Variants in MVB12B observed in about 807,000 individuals in gnomAD.
The protein encoded by MVB12B is ESCRT-I complex subunit MVB12B.
MVB12B carries 16 observed loss-of-function variants against 41.6 expected under a neutral mutation model. The ratio of observed to expected loss-of-function variants is 0.38; its 90% CI spans 0.26 to 0.58. The LOEUF (loss-of-function observed/expected upper bound fraction) is 0.58, where lower values mean the gene tolerates loss of function less well. Among genes scored for constraint, MVB12B ranks in the 20% least tolerant of loss-of-function variants. The pLI is 0.62. For missense variants in MVB12B, 274 were observed against 380.2 expected, an observed-to-expected ratio of 0.72 and a Z score of 2.32; for synonymous variants, 133 against 139.7, an observed-to-expected ratio of 0.95 and a Z score of 0.34.
rs116772073 is a variant in MVB12B, at chr9:126,446,389, A to G, written c.757+24441A>G. ...TTTAAGTTAGGATTTGGGCATTTAT[A>G]TAAGTAAGATTAGGCTTTTTGCTTA... On this transcript the variant is annotated intron_variant, in intron 7 of 9. Transcript: ENST00000361171. Among the ~76,000 whole-genome samples, 1,333 of 152,008 alleles carry G rather than the reference A, an allele frequency of 8.8e-3. 19 individuals are homozygous for G. The highest frequency in any genetic ancestry group is 0.031 in the African/African-American group (1,265 of 41,472).
intron 6 of MVB12B, among the ~76,000 whole-genome samples, chr9:126,400,018 C>A (rs1831225143): frequency 6.6e-6 from 1 of 152,224 alleles, no homozygotes; most frequent in Non-Finnish European, 1.5e-5. Context: ...TGGCGGGGGT[C>A]GGAGCGTGGG....
rs534358492 is a variant in MVB12B at position 126,391,650 on chromosome 9, C to A, written c.410-416C>A. On this transcript the variant is annotated intron_variant, in intron 4 of 9. Transcript: ENST00000361171. The surrounding 1 kb of genome is among the most constrained non-coding windows in gnomAD (Gnocchi z 4.4). ...GCATTGACACTGGGTGACGGGAACA[C>A]GTGGATTCATTCCACTGTTCTCTCT... 6.6e-6 allele frequency among the ~76,000 whole-genome samples: 1 copy of A among 152,144 alleles called. No homozygotes were observed. The highest frequency in any genetic ancestry group is 1.9e-4 in the East Asian group (1 of 5,200).
intron 9 of MVB12B, among the ~76,000 whole-genome samples, chr9:126,499,225 T>C (rs966906874): frequency 2.0e-5 from 3 of 152,076 alleles, no homozygotes; most frequent in Non-Finnish European, 4.4e-5. Context: ...GACGCCTGCT[T>C]CCATCAGTGG....
rs199994363 is a variant in MVB12B at position 126,386,636 on chromosome 9, A to G, written c.387A>G (p.Pro129=). 2.3e-4 allele frequency: 369 copies of G among 1,613,616 alleles called. No homozygotes were observed. Among genetic ancestry groups the G allele is most frequent in the Non-Finnish European group, 3.0e-4 (352 of 1,179,692 alleles). Residue 129 remains proline, a synonymous_variant, in exon 4 of 10, where the codon CCA becomes CCG. Coordinates refer to ENST00000361171, the MANE Select transcript of MVB12B (RefSeq NM_033446.3). This position sits in a 1 kb window ranked among gnomAD's most constrained non-coding sequence, Gnocchi z 4.3. ...IKDTLPVGFI[P]IQETVDTQEV... ...ACACACTGCCTGTGGGCTTCATCCC[A>G]ATTCAGGAGACGGTGGACACACGTG...
Position 126,506,993 on chromosome 9 carries a change from T to A in MVB12B, c.*3730T>A, listed in dbSNP as rs996571789. On this transcript the variant is annotated 3_prime_UTR_variant, in exon 10 of 10. Transcript: ENST00000361171. ...AAGGGAAGTCCACTGTGTGATTGTC[T>A]GTATTCTTAATATAATTTGTTAAAT... 8 of 152,694 alleles carry A rather than the reference T, an allele frequency of 5.2e-5. No homozygotes were observed. The highest frequency in any genetic ancestry group is 3.9e-4 in the Admixed American group (6 of 15,290). 9.5% of individuals were successfully genotyped at this position (152,694 alleles called of 1,614,324 possible). A position where few individuals can be genotyped will look rare whatever the true frequency, so the allele number is the denominator to read the frequency against.
intron 2 of MVB12B, among the ~76,000 whole-genome samples, chr9:126,366,537 A>G (rs1830186125): frequency 6.6e-6 from 1 of 152,208 alleles, no homozygotes; most frequent in Admixed American, 6.5e-5. Context: ...TTCTATTTAT[A>G]TAAATTTTAT....
At chr9:126,400,124 A>C (rs1303061246) in intron 6 of MVB12B, among the ~76,000 whole-genome samples, 1 of 152,172 alleles carries the variant, frequency 6.6e-6, no homozygotes, top group Non-Finnish European at 1.5e-5. Context: ...GGCAGAGGTT[A>C]CCCAAATCCA....
At chr9:126,495,250 G>A (rs1833807228) in intron 9 of MVB12B, among the ~76,000 whole-genome samples, 2 of 151,528 alleles carry the variant, frequency 1.3e-5, no homozygotes, top group African/African-American at 4.9e-5. Flanking sequence ...CATTTATTCA[G>A]TGGCCAGGGC....
chr9:126,487,208 C>T (rs1833637762), intron 9 of MVB12B, among the ~76,000 whole-genome samples: 2 of 152,160 alleles, frequency 1.3e-5, no homozygotes, highest in South Asian at 4.1e-4. Context: ...AGTGCTTAGT[C>T]CAGAGTCTAT....
chr9:126,492,115 C>T (rs191279519), intron 9 of MVB12B, among the ~76,000 whole-genome samples: 20 of 131,908 alleles, frequency 1.5e-4, no homozygotes, highest in African/African-American at 4.1e-4. Context: ...TCCTGCGGCA[C>T]GTGCACACAC....
chr9:126,448,141 G>C (rs1832824589), intron 7 of MVB12B: 1 of 154,024 alleles, frequency 6.5e-6, no homozygotes, highest in African/African-American at 2.4e-5. Context: ...TGTGTCTCCA[G>C]CTCTTCCCAG....
At chr9:126,424,514 T>C (rs935718999) in intron 7 of MVB12B, among the ~76,000 whole-genome samples, 4 of 152,230 alleles carry the variant, frequency 2.6e-5, no homozygotes, top group Non-Finnish European at 5.9e-5. Flanking sequence ...TTTTGCTGCT[T>C]GAATGCCTGT....
intron 6 of MVB12B, among the ~76,000 whole-genome samples, chr9:126,414,944 G>T (rs191414790): frequency 7.9e-5 from 12 of 152,104 alleles, no homozygotes; most frequent in African/African-American, 2.9e-4. Flanking sequence ...TGCCCAGGCT[G>T]GTCTCAAACT....
At position 126,479,960 on chromosome 9, in the gene MVB12B, G is replaced by A. The variant is rs1306071778; in HGVS notation, c.758-1409G>A. Among the ~76,000 whole-genome samples the A allele has an allele frequency of 2.0e-5, 3 of 152,110 alleles. No homozygotes were observed. The South Asian group carries it at 6.2e-4, about 32-fold the overall frequency. ...TTATGTCCTTTCCTCTTGCTTTGCTGCTTTCTGCTTCTGCTACTCTTCTGT... is the reference window on the plus strand; with the variant it reads ...TTATGTCCTTTCCTCTTGCTTTGCTACTTTCTGCTTCTGCTACTCTTCTGT... On this transcript the variant is annotated intron_variant, in intron 7 of 9. Transcript: ENST00000361171.
At chr9:126,410,160 TGTGTGTGTGTGTGC>T (rs1413123508) in intron 6 of MVB12B, among the ~76,000 whole-genome samples, 1 of 151,740 alleles carries the variant, frequency 6.6e-6, no homozygotes, top group Non-Finnish European at 1.5e-5. Flanking sequence ...TGTGTGTGTG[TGTGTGTGTGTGTGC>T]ACGCATGCAC....
intron 1 of MVB12B, chr9:126,335,530 T>G: frequency 3.3e-6 from 2 of 607,398 alleles, no homozygotes; most frequent in South Asian, 1.5e-5. Flanking sequence ...CTTCTGTCCC[T>G]TGCTTGCGAT....
intron 1 of MVB12B, among the ~76,000 whole-genome samples, chr9:126,337,877 T>C (rs958401789): frequency 6.6e-6 from 1 of 152,364 alleles, no homozygotes; most frequent in African/African-American, 2.4e-5. Context: ...GGGGCCATCC[T>C]TCCTGGCTTG....
In MVB12B at chr9:126,480,535, G is replaced by A. The variant is rs1833505106; in HGVS notation, c.758-834G>A. ...TGAAAGCGATCCCCTGGGACAGGGC[G>A]GAGGGAGGGGTGGCCACAGAAAAGG... On this transcript the variant is annotated intron_variant, in intron 7 of 9. Transcript: ENST00000361171. The surrounding 1 kb of genome is among the most constrained non-coding windows in gnomAD (Gnocchi z 4.9). Among the ~76,000 whole-genome samples the A allele has an allele frequency of 6.6e-6, 1 of 152,292 alleles. No homozygotes were observed. Among genetic ancestry groups the A allele is most frequent in the African/African-American group, 2.4e-5 (1 of 41,552 alleles).
At chr9:126,502,542 C>CA (rs904670992) in intron 9 of MVB12B, among the ~76,000 whole-genome samples, 25 of 150,950 alleles carry the variant, frequency 1.7e-4, no homozygotes, top group African/African-American at 6.0e-4. Context: ...GAAGGTCCCC[C>CA]CACCGGGCAG....
Sources: allele counts gnomAD v4.1 joint callset (sites outside exome capture counted in the v4.1 genomes callset), GRCh38; gene constraint gnomAD v4.1.1; non-coding constraint Gnocchi (gnomAD v3.1); transcripts MANE v1.5; gene names NCBI Gene and HGNC (gene_info 2026-07-23, HGNC 2026-07-21).